Variants in CAST observed in about 807,000 individuals in gnomAD.
CAST encodes the protein calpastatin.
Under a neutral mutation model 119.6 loss-of-function variants are expected in CAST, and 76 were observed. That is an observed-to-expected ratio of 0.64 (90% confidence interval 0.53 to 0.77). The LOEUF (loss-of-function observed/expected upper bound fraction) is 0.77, where lower values mean the gene tolerates loss of function less well. Ranked by LOEUF, CAST falls within the 30% of genes least tolerant of loss-of-function variation. The pLI is 0.00. For missense variants in CAST, 953 were observed against 946.5 expected (o/e 1.01, Z -0.09); for synonymous variants, 319 against 331.6 (o/e 0.96, Z 0.41).
At chr5:96,551,905 G>C (rs377169232) in intron 1 of CAST, among the ~76,000 whole-genome samples, 95 of 152,034 alleles carry the variant, frequency 6.2e-4, no homozygotes, top group African/African-American at 2.2e-3. Context: ...GAGGAGCACC[G>C]CGATTCATAA....
At chr5:96,536,496 C>T (rs1745817395) in intron 1 of CAST, among the ~76,000 whole-genome samples, 1 of 152,088 alleles carries the variant, frequency 6.6e-6, no homozygotes, top group African/African-American at 2.4e-5. Flanking sequence ...GAAAATTTTA[C>T]TGGAGTGATG....
chr5:96,023,810 T>A, the CAST span, among the ~76,000 whole-genome samples: 6 of 151,758 alleles, frequency 4.0e-5, no homozygotes, highest in Non-Finnish European at 8.8e-5. Context: ...AAAAAAAAAA[T>A]AAGACATGCA....
the CAST span, chr5:96,421,981 CTG>C: frequency 1.4e-6 from 1 of 739,238 alleles, no homozygotes; most frequent in Middle Eastern, 3.5e-4. Flanking sequence ...AAATATAACA[CTG>C]TGGCAGCATT....
At chr5:96,066,184 C>A in the CAST span, among the ~76,000 whole-genome samples, 1 of 152,158 alleles carries the variant, frequency 6.6e-6, no homozygotes, top group African/African-American at 2.4e-5. Flanking sequence ...ACTTTGGAGA[C>A]TGAAAAGTTG....
chr5:96,161,422 C>G, the CAST span, among the ~76,000 whole-genome samples: 1 of 152,128 alleles, frequency 6.6e-6, no homozygotes, highest in Non-Finnish European at 1.5e-5. Flanking sequence ...CTTGGCACCT[C>G]TGTTGAAAAC....
chr5:96,557,712 T>C (rs1746272354), intron 1 of CAST, among the ~76,000 whole-genome samples: 1 of 152,276 alleles, frequency 6.6e-6, no homozygotes, highest in Non-Finnish European at 1.5e-5. Context: ...AACCAAGTCC[T>C]TAGAGACCTA....
At chr5:96,468,502 GTC>G in the CAST span, among the ~76,000 whole-genome samples, 1 of 152,050 alleles carries the variant, frequency 6.6e-6, no homozygotes, top group Non-Finnish European at 1.5e-5. Context: ...CCTTAGGTGT[GTC>G]TATCTCATTC....
the CAST span, among the ~76,000 whole-genome samples, chr5:95,983,086 T>C: frequency 1.3e-4 from 20 of 152,168 alleles, no homozygotes; most frequent in African/African-American, 3.9e-4. Context: ...AAAATACATA[T>C]GGTATGGTTC....
the CAST span, chr5:96,410,982 C>A: frequency 1.2e-6 from 2 of 1,612,134 alleles, no homozygotes; most frequent in South Asian, 1.1e-5. Flanking sequence ...CTTCCCCTGT[C>A]TCCCCTAAAG....
chr5:96,677,987 G>A (rs1207964760), intron 2 of CAST, among the ~76,000 whole-genome samples: 3 of 152,096 alleles, frequency 2.0e-5, no homozygotes, highest in South Asian at 4.1e-4. Context: ...GTGCAAATAA[G>A]TCATTAATGA....
intron 10 of CAST, 132 bp from the exon 11 acceptor site, chr5:96,737,717 A>G (rs1561549774): frequency 7.1e-6 from 4 of 562,184 alleles, no homozygotes; most frequent in Admixed American, 6.2e-5. Flanking sequence ...GATTTTAACT[A>G]TTTTGGGGAA....
At chr5:96,417,890 G>A in the CAST span, among the ~76,000 whole-genome samples, 1 of 152,176 alleles carries the variant, frequency 6.6e-6, no homozygotes, top group Non-Finnish European at 1.5e-5. Flanking sequence ...TGTCATCTCT[G>A]AGAAATGTAC....
chr5:96,058,317 T>A, the CAST span, among the ~76,000 whole-genome samples: 1 of 152,236 alleles, frequency 6.6e-6, no homozygotes, highest in African/African-American at 2.4e-5. Context: ...TCCTATTGCT[T>A]TGAGGATGGG....
chr5:96,380,943 T>C, the CAST span, among the ~76,000 whole-genome samples: 1 of 152,190 alleles, frequency 6.6e-6, no homozygotes, highest in Non-Finnish European at 1.5e-5. Context: ...TTTATTGGTA[T>C]AGTTTCAGAG....
the CAST span, among the ~76,000 whole-genome samples, chr5:96,126,039 C>T: frequency 6.6e-6 from 1 of 152,064 alleles, no homozygotes; most frequent in Non-Finnish European, 1.5e-5. Flanking sequence ...TTTATTCATT[C>T]AAAAATTACC....
intron 1 of CAST, among the ~76,000 whole-genome samples, chr5:96,551,379 G>T (rs1746123532): frequency 6.6e-6 from 1 of 152,174 alleles, no homozygotes; most frequent in African/African-American, 2.4e-5. Flanking sequence ...AGAGATTTTT[G>T]TCACCCCCAG....
At chr5:96,086,498 A>G in the CAST span, among the ~76,000 whole-genome samples, 1 of 152,242 alleles carries the variant, frequency 6.6e-6, no homozygotes, top group South Asian at 2.1e-4. Flanking sequence ...ATGTATCTCT[A>G]TAAACTACCT....
the CAST span, among the ~76,000 whole-genome samples, chr5:96,494,961 C>CA: frequency 8.2e-3 from 1,238 of 151,674 alleles, 17 homozygotes; most frequent in African/African-American, 0.028. Context: ...ACTAAAAATA[C>CA]AAAAAAATTA....
chr5:96,375,899 C>T, the CAST span, among the ~76,000 whole-genome samples: 1 of 144,682 alleles, frequency 6.9e-6, no homozygotes, highest in East Asian at 2.0e-4. Context: ...CTCTCTCTCT[C>T]TATATATATA....
Sources: allele counts gnomAD v4.1 joint callset (sites outside exome capture counted in the v4.1 genomes callset), GRCh38; gene constraint gnomAD v4.1.1; transcripts MANE v1.5; gene names NCBI Gene and HGNC (gene_info 2026-07-23, HGNC 2026-07-21).